The following KLRG1 variants were observed in gnomAD, a reference collection of about 807,000 sequenced individuals.
The protein encoded by KLRG1 is killer cell lectin-like receptor subfamily G member 1.
In KLRG1, 16 loss-of-function variants were observed where a neutral mutation model predicts 21.8. The ratio of observed to expected loss-of-function variants is 0.73; its 90% CI spans 0.50 to 1.11. KLRG1 has a LOEUF of 1.11. Among genes scored for constraint, KLRG1 ranks in the 50% most tolerant of loss-of-function variants. The pLI is 0.00. For missense variants in KLRG1, 173 were observed against 218.3 expected, an observed-to-expected ratio of 0.79 and a Z score of 1.31; for synonymous variants, 69 against 75.9, an observed-to-expected ratio of 0.91 and a Z score of 0.47.
At chr12:9,107,982 C>A in the KLRG1 span, among the ~76,000 whole-genome samples, 1 of 151,244 alleles carries the variant, frequency 6.6e-6, no homozygotes. Context: ...CAAAACAGAA[C>A]AAAAAAAACC....
At chr12:9,146,763 G>A in the KLRG1 span, among the ~76,000 whole-genome samples, 1 of 152,108 alleles carries the variant, frequency 6.6e-6, no homozygotes, top group East Asian at 1.9e-4. Context: ...TGATGAGCTA[G>A]GGGAGTTATA....
the KLRG1 span, chr12:9,165,165 G>A: frequency 2.5e-6 from 4 of 1,614,088 alleles, no homozygotes; most frequent in Non-Finnish European, 3.4e-6. Flanking sequence ...AGGTAGTTTA[G>A]GACCGTGGCC....
At chr12:9,107,948 A>G in the KLRG1 span, among the ~76,000 whole-genome samples, 1 of 151,938 alleles carries the variant, frequency 6.6e-6, no homozygotes, top group Admixed American at 6.5e-5. Context: ...GAGAAACAAT[A>G]CCAGCAAGAC....
At chr12:9,196,698 C>G in the KLRG1 span, 1 of 1,551,144 alleles carries the variant, frequency 6.4e-7, no homozygotes, top group Non-Finnish European at 8.9e-7. Context: ...GAGAAAAATA[C>G]CAAAACCAAT....
the KLRG1 span, chr12:9,208,176 G>T: frequency 1.0e-6 from 1 of 956,916 alleles, no homozygotes; most frequent in Non-Finnish European, 1.7e-6. Context: ...TGGAAAGGTG[G>T]CATTTACAAA....
Position 9,009,819 on chromosome 12 carries a change from C to A in KLRG1, c.*282C>A. 7.0e-7 allele frequency: 1 copy of A among 1,428,306 alleles called. No individual in the cohort carries two copies. Among genetic ancestry groups the A allele is most frequent in the African/African-American group, 1.4e-5 (1 of 69,342 alleles). 88.5% of individuals were successfully genotyped at this position (1,428,306 alleles called of 1,614,324 possible). A position where few individuals can be genotyped will look rare whatever the true frequency, so the allele number is the denominator to read the frequency against. On this transcript the variant is annotated 3_prime_UTR_variant, in exon 5 of 5. Coordinates refer to ENST00000356986, the MANE Select transcript of KLRG1 (RefSeq NM_005810.4). ...TTTCTCAGTATGGAAACTAATGCTGCCACTCTCATCCCCGTCCCAACCATC... is the reference window on the plus strand; with the variant it reads ...TTTCTCAGTATGGAAACTAATGCTGACACTCTCATCCCCGTCCCAACCATC...
the KLRG1 span, among the ~76,000 whole-genome samples, chr12:9,070,740 G>T: frequency 2.0e-5 from 3 of 152,136 alleles, no homozygotes; most frequent in Non-Finnish European, 4.4e-5. Flanking sequence ...AGAATTTTTA[G>T]GAAGCCTGTT....
the KLRG1 span, among the ~76,000 whole-genome samples, chr12:9,190,093 A>G: frequency 2.0e-5 from 3 of 152,182 alleles, no homozygotes; most frequent in African/African-American, 7.2e-5. Context: ...GCGATTCCTC[A>G]AAGAGCTAAA....
the KLRG1 span, chr12:9,036,545 G>A: frequency 4.4e-5 from 7 of 159,962 alleles, no homozygotes. Context: ...AAAAGCTTTT[G>A]AAGTCTTGGA....
chr12:8,988,069 T>G (rs552069184), upstream of KLRG1, among the ~76,000 whole-genome samples: 144 of 152,208 alleles, frequency 9.5e-4, 1 homozygote, highest in Middle Eastern at 3.4e-3. Flanking sequence ...ACTTGCAGAG[T>G]TTTGTCCTAT....
the KLRG1 span, among the ~76,000 whole-genome samples, chr12:9,158,752 C>CTTTTTTTTTTTTTTTTT: frequency 1.0e-5 from 1 of 97,814 alleles, no homozygotes; most frequent in Non-Finnish European, 2.0e-5. Flanking sequence ...TTTTTCTTTT[C>CTTTTTTTTTTTTTTTTT]TTTTCTTTTT....
chr12:9,072,642 AAG>A, the KLRG1 span: 1 of 1,613,806 alleles, frequency 6.2e-7, no homozygotes. Flanking sequence ...TCACCTGCCC[AAG>A]AGTCTCACCT....
the KLRG1 span, chr12:9,065,755 G>A: frequency 2.6e-5 from 4 of 152,234 alleles, no homozygotes; most frequent in South Asian, 4.1e-4. Flanking sequence ...CTGCTCCCTG[G>A]GCCCACTCAT....
rs954204793 is a variant in KLRG1, at chr12:8,974,733, C to T, written c.-155-17473C>T. On this transcript the variant is annotated intron_variant, in intron 1 of 4. Coordinates refer to the KLRG1 transcript ENST00000539240. The stretch of plus-strand genomic sequence containing the variant: ...GGATAAATTCCACTTGGTCATGGTG[C>T]ATGAGCCTTTTAATGTGCTGTTGTT... Among the ~76,000 whole-genome samples the T allele has an allele frequency of 5.3e-5, 8 of 152,080 alleles. No homozygotes were observed. The South Asian group carries it at 1.7e-3, about 31-fold the overall frequency.
the KLRG1 span, chr12:9,160,022 T>C: frequency 1.2e-6 from 2 of 1,613,088 alleles, no homozygotes; most frequent in Admixed American, 1.7e-5. Flanking sequence ...CTGTCTCTGG[T>C]AACCTGAAAT....
chr12:9,090,229 A>C, the KLRG1 span: 1 of 1,484,582 alleles, frequency 6.7e-7, no homozygotes, highest in Non-Finnish European at 9.3e-7. Flanking sequence ...TCTTAGAATA[A>C]AAGGCAAAGG....
At chr12:9,070,592 G>A in the KLRG1 span, 1 of 1,590,578 alleles carries the variant, frequency 6.3e-7, no homozygotes, top group Non-Finnish European at 8.6e-7. Context: ...AGGATCCAGG[G>A]GAGGAAAGGA....
the KLRG1 span, among the ~76,000 whole-genome samples, chr12:9,107,918 A>G: frequency 6.6e-6 from 1 of 151,656 alleles, no homozygotes; most frequent in African/African-American, 2.4e-5. Flanking sequence ...TTATTATAAA[A>G]CTTAAACCCG....
chr12:9,200,484 T>C, the KLRG1 span: 3 of 1,459,068 alleles, frequency 2.1e-6, no homozygotes, highest in Non-Finnish European at 2.9e-6. Context: ...GGAAGGTTGG[T>C]AAACATTTAT....
Sources: gnomAD v4.1 joint callset for allele counts (sites outside exome capture counted in the v4.1 genomes callset) on GRCh38, gnomAD v4.1.1 for gene constraint, MANE v1.5 for transcripts, NCBI Gene and HGNC (gene_info 2026-07-23, HGNC 2026-07-21) for gene names.